The following DNAH3 variants were observed in gnomAD, a reference collection of about 807,000 sequenced individuals.
DNAH3 encodes the protein axonemal beta dynein heavy chain 3.
DNAH3 carries 332 observed loss-of-function variants against 432.5 expected under a neutral mutation model. The observed-to-expected ratio is 0.77, with a 90% CI of 0.70 to 0.84. The LOEUF (loss-of-function observed/expected upper bound fraction) is 0.84, where lower values mean the gene tolerates loss of function less well. Among genes scored for constraint, DNAH3 ranks in the 40% least tolerant of loss-of-function variants. The pLI is 0.00. For synonymous variants in DNAH3, 1,956 were observed against 1,900.2 expected (o/e 1.03, Z -0.76); for missense variants, 4,861 against 5,114.0 (o/e 0.95, Z 1.51).
At chr16:21,104,333 T>TCCA (rs2091901052) in intron 16 of DNAH3, 138 bp downstream of exon 16, 2 of 726,382 alleles carry the variant, frequency 2.8e-6, no homozygotes, top group African/African-American at 3.5e-5. Flanking sequence ...AAATGCCTTC[T>TCCA]CCACCAATTG....
chr16:21,027,665 C>T (rs2088642169), intron 37 of DNAH3, among the ~76,000 whole-genome samples: 1 of 152,190 alleles, frequency 6.6e-6, no homozygotes, highest in African/African-American at 2.4e-5. Flanking sequence ...CATGGTAAAA[C>T]CCTGTCTCTA....
chr16:21,040,026 A>ACTTC, intron 32 of DNAH3, 83 bp from the exon 33 acceptor site: 22 of 1,166,410 alleles, frequency 1.9e-5, no homozygotes, highest in Non-Finnish European at 2.7e-5. Context: ...AAAGGGAAGT[A>ACTTC]GCTTTGCTTC....
At chr16:20,939,147 AGAG>A (rs2083708532) in intron 59 of DNAH3, among the ~76,000 whole-genome samples, 1 of 151,874 alleles carries the variant, frequency 6.6e-6, no homozygotes, top group Non-Finnish European at 1.5e-5. Context: ...CAGTGGCCTT[AGAG>A]GAGAATGACA....
chr16:21,050,662 T>C (rs114146727), intron 29 of DNAH3, among the ~76,000 whole-genome samples: 4,229 of 152,234 alleles, frequency 0.028, 196 homozygotes, highest in African/African-American at 0.096. Context: ...CGGGTTGGTC[T>C]CAAACTTCTG....
chr16:21,146,239 T>C (rs2092781856), intron 1 of DNAH3, 151 bp from the exon 3 acceptor site: 4 of 592,272 alleles, frequency 6.8e-6, no homozygotes, highest in African/African-American at 3.7e-5. Flanking sequence ...CCATCCATTA[T>C]GTATGTTTCA....
chr16:21,027,082 T>G (rs146985851), exon 38 of DNAH3: 3 of 1,613,874 alleles, frequency 1.9e-6, no homozygotes, highest in Middle Eastern at 1.7e-4. Context: ...AAGATCAGGC[T>G]CATCTTGGAG....
intron 9 of DNAH3, among the ~76,000 whole-genome samples, chr16:21,122,468 A>T (rs761202670): frequency 6.6e-6 from 1 of 152,184 alleles, no homozygotes; most frequent in Non-Finnish European, 1.5e-5. Flanking sequence ...GAGGCAGTAG[A>T]ATCACTTGAA....
rs538277015 is a variant in DNAH3, at chr16:21,084,849, C to T, written c.2877+2000G>A. Among the ~76,000 whole-genome samples the T allele has an allele frequency of 3.9e-5, 6 of 152,240 alleles. No homozygotes were observed. The East Asian group carries it at 7.7e-4, about 20-fold the overall frequency. On this transcript the variant is annotated intron_variant, in intron 19 of 61. Transcript: ENST00000261383. Reference sequence around the variant, plus strand: ...CACCAGGTGGAGCAGATGGCTTTCCCGGCCCCGCGGCATGTTCTCCAAATG... The same window carrying T: ...CACCAGGTGGAGCAGATGGCTTTCCTGGCCCCGCGGCATGTTCTCCAAATG...
intron 41 of DNAH3, among the ~76,000 whole-genome samples, chr16:21,009,760 C>T (rs1597129783): frequency 6.6e-6 from 1 of 152,068 alleles, no homozygotes; most frequent in East Asian, 1.9e-4. Flanking sequence ...TGCCTGGAGT[C>T]CCAGCTACTT....
intron 21 of DNAH3, among the ~76,000 whole-genome samples, chr16:21,074,749 G>A (rs1280947141): frequency 6.6e-6 from 1 of 151,380 alleles, no homozygotes; most frequent in Non-Finnish European, 1.5e-5. Context: ...ATGGTCTGCA[G>A]GATGTGTGTA....
At chr16:21,120,955 C>T (rs1266517273) in intron 10 of DNAH3, 5 of 851,780 alleles carry the variant, frequency 5.9e-6, no homozygotes, top group Non-Finnish European at 9.8e-6. Flanking sequence ...CTTCTCCTCC[C>T]ACACACCCAG....
intron 1 of DNAH3, among the ~76,000 whole-genome samples, chr16:21,154,152 C>G (rs1268307693): frequency 2.6e-5 from 4 of 152,184 alleles, no homozygotes; most frequent in Non-Finnish European, 4.4e-5. Flanking sequence ...GCCTATAATC[C>G]CAGCAGCTGG....
At chr16:20,954,857 A>G (rs1450321473) in exon 55 of DNAH3, 2 of 1,614,082 alleles carry the variant, frequency 1.2e-6, no homozygotes, top group Non-Finnish European at 1.7e-6. Flanking sequence ...GGCGTGGAAG[A>G]AACAAAGGCC....
chr16:21,098,391 G>A lies in DNAH3; in HGVS notation c.2520+225C>T, dbSNP rs533472115. 2.7e-5 allele frequency among the ~76,000 whole-genome samples: 4 copies of A among 146,812 alleles called. No homozygotes were observed. In the East Asian group the frequency reaches 6.1e-4, roughly 22 times the overall value. On this transcript the variant is annotated intron_variant, in intron 17 of 61. Transcript: ENST00000261383. Reference sequence around the variant, plus strand: ...GAGGTGGAGGTTGCAGTGAGATGAGGTCACATTACTGCACTCCAGCCTGCG... The same window carrying A: ...GAGGTGGAGGTTGCAGTGAGATGAGATCACATTACTGCACTCCAGCCTGCG...
At chr16:21,039,794 C>T (rs996832642) in intron 33 of DNAH3, 58 bp downstream of exon 33, 39 of 1,266,694 alleles carry the variant, frequency 3.1e-5, no homozygotes, top group Middle Eastern at 1.9e-4. Flanking sequence ...GAATCTGCCA[C>T]GCAAAAAGCC....
At chr16:21,034,953 A>G (rs551823789) in intron 35 of DNAH3, among the ~76,000 whole-genome samples, 1 of 152,318 alleles carries the variant, frequency 6.6e-6, no homozygotes, top group East Asian at 1.9e-4. Context: ...AAAGTTACAG[A>G]GCAGAGAACA....
chr16:21,154,237 C>G lies in DNAH3; in HGVS notation c.117+5088G>C, dbSNP rs556211657. ...TGGCCAACATGGTGAAACCCCGTCTCTACTAAAAATACAAAAAATTAGCCG... is the reference window on the plus strand; with the variant it reads ...TGGCCAACATGGTGAAACCCCGTCTGTACTAAAAATACAAAAAATTAGCCG... On this transcript the variant is annotated intron_variant, in intron 1 of 61. Coordinates refer to ENST00000261383, the Ensembl canonical transcript of DNAH3. Among the ~76,000 whole-genome samples, 25 of 152,274 alleles carry G rather than the reference C, an allele frequency of 1.6e-4. No homozygotes were observed. In the East Asian group the frequency reaches 4.8e-3, roughly 29 times the overall value.
intron 1 of DNAH3, among the ~76,000 whole-genome samples, chr16:21,149,680 AAT>A (rs1255470693): frequency 1.3e-5 from 2 of 152,184 alleles, no homozygotes; most frequent in East Asian, 3.8e-4. Context: ...AGAATATTCT[AAT>A]GTTCAGCCAC....
intron 1 of DNAH3, among the ~76,000 whole-genome samples, chr16:21,156,913 A>G (rs1222112357): frequency 7.4e-6 from 1 of 135,268 alleles, no homozygotes; most frequent in Non-Finnish European, 1.6e-5. Context: ...CTCTTAAACA[A>G]AAATCCCAGT....
Sources: gnomAD v4.1 joint callset for allele counts (sites outside exome capture counted in the v4.1 genomes callset) on GRCh38, gnomAD v4.1.1 for gene constraint, MANE v1.5 for transcripts, NCBI Gene and HGNC (gene_info 2026-07-23, HGNC 2026-07-21) for gene names.